The following CABLES1 variants were observed in gnomAD, a reference collection of about 807,000 sequenced individuals.
The protein encoded by CABLES1 is CDK5 and ABL1 enzyme substrate 1.
Under a neutral mutation model 57.8 loss-of-function variants are expected in CABLES1, and 36 were observed. That is an observed-to-expected ratio of 0.62 (90% CI 0.48 to 0.82). The LOEUF (loss-of-function observed/expected upper bound fraction) is 0.82. Among genes scored for constraint, CABLES1 ranks in the 40% least tolerant of loss-of-function variants. The pLI is 0.00. For synonymous variants in CABLES1, 374 were observed against 363.0 expected (o/e 1.03, Z -0.35); for missense variants, 767 against 836.6 (o/e 0.92, Z 1.03).
At chr18:23,170,082 CA>C (rs1451167163) in intron 1 of CABLES1, among the ~76,000 whole-genome samples, 7 of 152,178 alleles carry the variant, frequency 4.6e-5, no homozygotes, top group African/African-American at 1.7e-4. Context: ...AGCGGGACCT[CA>C]GAATGTCTAG....
intron 3 of CABLES1, among the ~76,000 whole-genome samples, chr18:23,201,113 C>G (rs2047322571): frequency 6.6e-6 from 1 of 152,198 alleles, no homozygotes; most frequent in Non-Finnish European, 1.5e-5. Flanking sequence ...ACTGGAAATG[C>G]TAGAGCCAGT....
intron 7 of CABLES1, among the ~76,000 whole-genome samples, chr18:23,243,206 T>C (rs1403945558): frequency 6.6e-6 from 1 of 152,002 alleles, no homozygotes; most frequent in Non-Finnish European, 1.5e-5. Context: ...TGGCCTCAGG[T>C]TTCAAGGTGC....
intron 1 of CABLES1, among the ~76,000 whole-genome samples, chr18:23,142,804 C>A (rs1277625488): frequency 2.0e-5 from 3 of 152,024 alleles, no homozygotes; most frequent in Non-Finnish European, 4.4e-5. Context: ...GAACTCCCCC[C>A]ACCTGGGGAG....
At chr18:23,168,792 G>A (rs999643695) in intron 1 of CABLES1, among the ~76,000 whole-genome samples, 4 of 152,096 alleles carry the variant, frequency 2.6e-5, no homozygotes, top group Non-Finnish European at 5.9e-5. Flanking sequence ...TGAGGCCCTG[G>A]GTGCTGGAGA....
intron 1 of CABLES1, among the ~76,000 whole-genome samples, chr18:23,153,769 G>T (rs975742938): frequency 1.1e-4 from 16 of 152,092 alleles, no homozygotes; most frequent in African/African-American, 3.9e-4. Flanking sequence ...CATGGCTGAT[G>T]CCTGTAGTCC....
At chr18:23,180,483 A>C (rs549997151) in intron 1 of CABLES1, among the ~76,000 whole-genome samples, 6 of 152,144 alleles carry the variant, frequency 3.9e-5, no homozygotes, top group Admixed American at 3.9e-4. Flanking sequence ...CACAAATGAC[A>C]TACACATGAT....
intron 1 of CABLES1, among the ~76,000 whole-genome samples, chr18:23,179,776 G>T (rs1598814451): frequency 6.6e-6 from 1 of 152,364 alleles, no homozygotes; most frequent in East Asian, 1.9e-4. Flanking sequence ...GTGTCTAATG[G>T]ATGTGTCCTC....
At chr18:23,210,686 C>G (rs953664007) in intron 3 of CABLES1, among the ~76,000 whole-genome samples, 2 of 152,210 alleles carry the variant, frequency 1.3e-5, no homozygotes, top group African/African-American at 2.4e-5. Context: ...CCATCACTTG[C>G]TGCTACTTGC....
At chr18:23,255,344 C>T (rs2048136423) in intron 9 of CABLES1, among the ~76,000 whole-genome samples, 1 of 152,058 alleles carries the variant, frequency 6.6e-6, no homozygotes, top group African/African-American at 2.4e-5. Context: ...GTCTAGCTGT[C>T]TTCAGTGGCA....
chr18:23,205,428 A>G (rs1452265097), intron 3 of CABLES1, among the ~76,000 whole-genome samples: 2 of 152,008 alleles, frequency 1.3e-5, no homozygotes, highest in African/African-American at 4.8e-5. Flanking sequence ...TGCTCACCTC[A>G]GGTGATCTGC....
intron 7 of CABLES1, among the ~76,000 whole-genome samples, chr18:23,237,983 A>C (rs1263300520): frequency 1.3e-5 from 2 of 151,858 alleles, no homozygotes; most frequent in Non-Finnish European, 2.9e-5. Flanking sequence ...CCTGCCATGC[A>C]CAGCATCAGG....
In CABLES1 at chr18:23,238,327, C is replaced by G. The variant is rs1020537883; in HGVS notation, c.1446+1082C>G. On this transcript the variant is annotated intron_variant, in intron 7 of 9. Transcript: ENST00000256925. Reference sequence around the variant, plus strand: ...AACTTGGGGCCTTGCCAGTTACTTTCAGCACTTATCCTCTTGTTCTTTGGC... The same window carrying G: ...AACTTGGGGCCTTGCCAGTTACTTTGAGCACTTATCCTCTTGTTCTTTGGC... Among the ~76,000 whole-genome samples the G allele has an allele frequency of 2.6e-5, 4 of 152,352 alleles. 1 individual carries two copies. The highest frequency in any genetic ancestry group is 6.8e-3 in the Middle Eastern group (2 of 294).
intron 4 of CABLES1, among the ~76,000 whole-genome samples, chr18:23,224,879 T>C (rs2047516828): frequency 6.6e-6 from 1 of 152,144 alleles, no homozygotes; most frequent in African/African-American, 2.4e-5. Flanking sequence ...TTCTTTTTCT[T>C]TCTTTTTGAG....
intron 6 of CABLES1, 97 bp downstream of exon 6, chr18:23,236,148 C>A: frequency 7.8e-7 from 1 of 1,281,396 alleles, no homozygotes; most frequent in Non-Finnish European, 1.1e-6. Context: ...GACTGGAAGA[C>A]AGGGGCTCGC....
chr18:23,237,754 C>T (rs1370104477), intron 7 of CABLES1, among the ~76,000 whole-genome samples: 2 of 152,246 alleles, frequency 1.3e-5, no homozygotes, highest in African/African-American at 4.8e-5. Flanking sequence ...TTCATGGACT[C>T]TTCCTGTTTT....
At chr18:23,242,227 G>A (rs1323951346) in intron 7 of CABLES1, among the ~76,000 whole-genome samples, 1 of 152,148 alleles carries the variant, frequency 6.6e-6, no homozygotes, top group Non-Finnish European at 1.5e-5. Flanking sequence ...GCAGTGAGCT[G>A]AGATCACACT....
At chr18:23,182,291 T>TG (rs2047172964) in intron 1 of CABLES1, among the ~76,000 whole-genome samples, 1 of 152,234 alleles carries the variant, frequency 6.6e-6, no homozygotes, top group African/African-American at 2.4e-5. Context: ...TCTTTCTTCT[T>TG]GCTTGTTGAA....
intron 1 of CABLES1, among the ~76,000 whole-genome samples, chr18:23,153,427 C>G (rs180920175): frequency 4.6e-5 from 7 of 151,742 alleles, no homozygotes; most frequent in Non-Finnish European, 1.0e-4. Context: ...ATTTTGAACA[C>G]AACAATTTAA....
At chr18:23,217,558 A>G (rs1323911376) in intron 4 of CABLES1, among the ~76,000 whole-genome samples, 7 of 152,218 alleles carry the variant, frequency 4.6e-5, no homozygotes, top group Admixed American at 2.0e-4. Context: ...TGCTTTTTAA[A>G]CTTTTCAATG....
Sources: gnomAD v4.1 joint callset for allele counts (sites outside exome capture counted in the v4.1 genomes callset) on GRCh38, gnomAD v4.1.1 for gene constraint, MANE v1.5 for transcripts, NCBI Gene and HGNC (gene_info 2026-07-23, HGNC 2026-07-21) for gene names.